Variants in KIF21A observed in about 807,000 individuals in gnomAD.
KIF21A encodes the protein kinesin-like protein KIF21A.
A neutral mutation model predicts 202.9 loss-of-function variants in KIF21A; 114 were observed. That is an observed-to-expected ratio of 0.56 (90% CI 0.48 to 0.66). The LOEUF (loss-of-function observed/expected upper bound fraction) is 0.66, where lower values mean the gene tolerates loss of function less well. Ranked by LOEUF, KIF21A falls within the 30% of genes least tolerant of loss-of-function variation. The pLI, the probability that KIF21A is intolerant of heterozygous loss-of-function variation, is 0.00. For synonymous variants in KIF21A, 667 were observed against 670.8 expected (o/e 0.99, Z 0.09); for missense variants, 1,677 against 1,994.9 (o/e 0.84, Z 3.04).
At chr12:39,376,906 TACA>T (rs1304052959) in intron 1 of KIF21A, among the ~76,000 whole-genome samples, 4 of 152,204 alleles carry the variant, frequency 2.6e-5, no homozygotes, top group African/African-American at 4.8e-5. Flanking sequence ...AGGAATAACA[TACA>T]ACATGTCTTC....
chr12:39,350,147 TTTA>T (rs1948243678), intron 11 of KIF21A, among the ~76,000 whole-genome samples: 2 of 152,150 alleles, frequency 1.3e-5, no homozygotes, highest in African/African-American at 4.8e-5. Flanking sequence ...CACTTAGGCT[TTTA>T]TGTTTAAATC....
intron 1 of KIF21A, among the ~76,000 whole-genome samples, chr12:39,371,932 CAA>C (rs1157665795): frequency 3.0e-5 from 3 of 100,526 alleles, no homozygotes; most frequent in Admixed American, 1.1e-4. Flanking sequence ...GAATCCGTCT[CAA>C]AAAAAAAAAA....
intron 1 of KIF21A, among the ~76,000 whole-genome samples, chr12:39,391,669 A>C: frequency 6.6e-6 from 1 of 152,348 alleles, no homozygotes; most frequent in Middle Eastern, 3.4e-3. Flanking sequence ...ATGTAATCAC[A>C]TATATTAAAT....
At chr12:39,310,665 G>A (rs533649729) in intron 32 of KIF21A, among the ~76,000 whole-genome samples, 1 of 152,094 alleles carries the variant, frequency 6.6e-6, no homozygotes, top group East Asian at 1.9e-4. Context: ...ATTCCTACCT[G>A]TAAATATCCA....
rs1252033153 is a variant in KIF21A, at chr12:39,351,868, G to A, written c.1582C>T (p.Leu528=). 6.2e-7 allele frequency: 1 copy of A among 1,610,960 alleles called. No individual in the cohort carries two copies. Among genetic ancestry groups the A allele is most frequent in the Non-Finnish European group, 8.5e-7 (1 of 1,177,432 alleles). The part of the protein sequence containing the change: ...SGSSTFSPTI[L]SSDKETIEII... ...TCAATGGTTTCTTTGTCTGAGGATA[G>A]TATGGTAGGAGAAAAAGTTGATGAT... The change falls in exon 11 of 38, where the codon CTA becomes TTA. Residue 528 remains leucine, a synonymous_variant. Coordinates refer to ENST00000361418, the MANE Select transcript of KIF21A (RefSeq NM_001173464.2).
chr12:39,340,400 G>C, intron 15 of KIF21A, 36 bp from the exon 16 acceptor site: 1 of 1,467,734 alleles, frequency 6.8e-7, no homozygotes, highest in Non-Finnish European at 9.4e-7. Flanking sequence ...ATGTTTTTTT[G>C]TGAGACACAG....
intron 1 of KIF21A, among the ~76,000 whole-genome samples, chr12:39,417,341 A>C (rs1326178209): frequency 1.3e-5 from 2 of 152,150 alleles, no homozygotes; most frequent in Non-Finnish European, 2.9e-5. Flanking sequence ...TCTCCAGTAG[A>C]TACAATTTTG....
At chr12:39,439,098 C>T (rs938160116) in intron 1 of KIF21A, among the ~76,000 whole-genome samples, 1 of 152,122 alleles carries the variant, frequency 6.6e-6, no homozygotes, top group Non-Finnish European at 1.5e-5. Flanking sequence ...AAAAGTGTTG[C>T]TGTTGAATCA....
chr12:39,332,472 A>G, intron 20 of KIF21A, 64 bp from the exon 21 acceptor site: 1 of 1,338,180 alleles, frequency 7.5e-7, no homozygotes, highest in East Asian at 2.5e-5. Flanking sequence ...AGTACCATCA[A>G]ACCCCCCCAC....
intron 9 of KIF21A, 50 bp downstream of exon 9, chr12:39,357,198 C>G (rs553909038): frequency 8.7e-6 from 13 of 1,487,110 alleles, no homozygotes. Flanking sequence ...AAAGAATGTT[C>G]CCTGCCCTCC....
chr12:39,324,260 C>G (rs911571184), intron 26 of KIF21A, among the ~76,000 whole-genome samples: 1 of 152,150 alleles, frequency 6.6e-6, no homozygotes, highest in Admixed American at 6.5e-5. Flanking sequence ...GAACCTAGAG[C>G]AGAGATGAAA....
intron 1 of KIF21A, among the ~76,000 whole-genome samples, chr12:39,437,338 C>T (rs1167086949): frequency 6.6e-6 from 1 of 152,132 alleles, no homozygotes; most frequent in African/African-American, 2.4e-5. Context: ...TCCCAAATAA[C>T]AAACAGGTCC....
At chr12:39,365,331 C>G (rs921519143) in intron 6 of KIF21A, among the ~76,000 whole-genome samples, 1 of 152,310 alleles carries the variant, frequency 6.6e-6, no homozygotes, top group South Asian at 2.1e-4. Flanking sequence ...ATCTGGGCAG[C>G]AGGCAAAAAG....
intron 24 of KIF21A, among the ~76,000 whole-genome samples, chr12:39,329,500 G>A (rs1946306117): frequency 6.6e-6 from 1 of 151,590 alleles, no homozygotes; most frequent in African/African-American, 2.4e-5. Context: ...AAGAAGAAGA[G>A]GAGGAGGAGA....
At chr12:39,416,899 A>G (rs915713441) in intron 1 of KIF21A, among the ~76,000 whole-genome samples, 4 of 148,738 alleles carry the variant, frequency 2.7e-5, no homozygotes, top group East Asian at 3.9e-4. Context: ...ATGTGTATAT[A>G]TATATGTACA....
intron 17 of KIF21A, among the ~76,000 whole-genome samples, chr12:39,336,433 C>T (rs1374523219): frequency 1.3e-5 from 2 of 152,038 alleles, no homozygotes; most frequent in Non-Finnish European, 2.9e-5. Context: ...ATGCTTTACA[C>T]TTAATGCATG....
At chr12:39,436,439 TATATATATA>T (rs200544859) in intron 1 of KIF21A, among the ~76,000 whole-genome samples, 2 of 118,824 alleles carry the variant, frequency 1.7e-5, no homozygotes, top group African/African-American at 8.1e-5. Flanking sequence ...TATATATATA[TATATATATA>T]TTTTTTTTTT....
At chr12:39,347,709 T>C (rs1360218809) in intron 11 of KIF21A, among the ~76,000 whole-genome samples, 2 of 152,168 alleles carry the variant, frequency 1.3e-5, no homozygotes, top group Non-Finnish European at 2.9e-5. Context: ...AGTAATCAAA[T>C]GGTCCAGTAT....
chr12:39,365,560 T>C (rs1344634826), intron 6 of KIF21A, among the ~76,000 whole-genome samples: 1 of 152,234 alleles, frequency 6.6e-6, no homozygotes, highest in African/African-American at 2.4e-5. Flanking sequence ...CTAGGTGGCA[T>C]GGTATTAAAG....
Sources: gnomAD v4.1 joint callset for allele counts (sites outside exome capture counted in the v4.1 genomes callset) on GRCh38, gnomAD v4.1.1 for gene constraint, MANE v1.5 for transcripts, NCBI Gene and HGNC (gene_info 2026-07-23, HGNC 2026-07-21) for gene names.